Variants in VPS13B observed in about 807,000 individuals in gnomAD.
VPS13B encodes intermembrane lipid transfer protein VPS13B.
In VPS13B, 285 loss-of-function variants were observed where a neutral mutation model predicts 426.4. That is an observed-to-expected ratio of 0.67 (90% CI 0.61 to 0.74). The LOEUF is 0.74. Ranked by LOEUF, VPS13B falls within the 30% of genes least tolerant of loss-of-function variation. The pLI is 0.00. For missense variants in VPS13B, 4,537 were observed against 4,782.6 expected (o/e 0.95, Z 1.51); for synonymous variants, 1,676 against 1,676.4 (o/e 1.00, Z 0.01).
intron 19 of VPS13B, among the ~76,000 whole-genome samples, chr8:99,292,800 T>A (rs934219594): frequency 2.0e-5 from 3 of 152,124 alleles, no homozygotes; most frequent in African/African-American, 7.2e-5. Context: ...TTATATCTAT[T>A]TTTGTGCAAC....
intron 19 of VPS13B, among the ~76,000 whole-genome samples, chr8:99,369,502 C>T (rs1468635418): frequency 6.6e-6 from 1 of 152,090 alleles, no homozygotes; most frequent in Non-Finnish European, 1.5e-5. Flanking sequence ...TCAGGTTGTC[C>T]TGTGTAGAAC....
Position 99,207,280 on chromosome 8 carries a change from C to T in VPS13B, c.2515+14223C>T, listed in dbSNP as rs988341252. Among the ~76,000 whole-genome samples the T allele has an allele frequency of 1.4e-4, 22 of 152,068 alleles. No homozygotes were observed. The South Asian group carries it at 4.6e-3, about 32-fold the overall frequency. On this transcript the variant is annotated intron_variant, in intron 17 of 61. Coordinates refer to ENST00000357162, the MANE Select transcript of VPS13B (RefSeq NM_152564.5). ...ATCAGATCTTGGCAATGACTTTGCA[C>T]AGTAGGATATAAATAACTCCCACAA... is the stretch of plus-strand genomic sequence containing the variant.
chr8:99,818,979 G>GGGT, intron 47 of VPS13B, 91 bp downstream of exon 47: 3 of 839,428 alleles, frequency 3.6e-6, no homozygotes, highest in Admixed American at 2.3e-5. Flanking sequence ...CGGGGGAGGG[G>GGGT]TGGGTAGGGA....
In VPS13B at chr8:99,699,828, T is replaced by A; in HGVS notation, c.6350T>A (p.Val2117Glu). 2 of 1,613,812 alleles carry A rather than the reference T, an allele frequency of 1.2e-6. No homozygotes were observed. Among genetic ancestry groups the A allele is most frequent in the Non-Finnish European group, 1.7e-6 (2 of 1,179,880 alleles). The change falls in exon 36 of 62, where the codon GTG (valine) becomes GAG (glutamate). Residue 2117 changes from valine to glutamate, a missense_variant. Coordinates refer to ENST00000357162, the MANE Select transcript of VPS13B (RefSeq NM_152564.5). ...ATTTCTGTTCAAACTACTCAGATTG[T>A]GATCTCCATGGAAACTGTACCCCAT... ...QKISVQTTQIVISMETVPHTS... is the reference protein window; with the variant it reads ...QKISVQTTQIEISMETVPHTS...
chr8:99,270,472 A>G (rs1375057138), intron 17 of VPS13B, among the ~76,000 whole-genome samples: 1 of 152,064 alleles, frequency 6.6e-6, no homozygotes, highest in African/African-American at 2.4e-5. Flanking sequence ...CAGATAACTT[A>G]TGATAAGAGT....
intron 33 of VPS13B, among the ~76,000 whole-genome samples, chr8:99,632,768 C>T (rs1828899927): frequency 6.6e-6 from 1 of 151,924 alleles, no homozygotes; most frequent in Admixed American, 6.6e-5. Flanking sequence ...TAACATATGA[C>T]AGAGAGAGAA....
At chr8:99,289,468 A>C (rs1478641466) in intron 19 of VPS13B, among the ~76,000 whole-genome samples, 2 of 152,084 alleles carry the variant, frequency 1.3e-5, no homozygotes, top group African/African-American at 4.8e-5. Context: ...ATTATTAGCT[A>C]TGGTTAGTGT....
At chr8:99,535,652 A>G (rs1823167840) in intron 30 of VPS13B, among the ~76,000 whole-genome samples, 2 of 152,124 alleles carry the variant, frequency 1.3e-5, no homozygotes. Flanking sequence ...AGGAAAGTAT[A>G]TTTATCATTT....
At chr8:99,832,123 G>T (rs956196768) in intron 51 of VPS13B, among the ~76,000 whole-genome samples, 1 of 151,986 alleles carries the variant, frequency 6.6e-6, no homozygotes, top group Middle Eastern at 3.4e-3. Context: ...TTAGCCGGGC[G>T]TGGTGGCATG....
At chr8:99,209,293 A>C (rs969581953) in intron 17 of VPS13B, among the ~76,000 whole-genome samples, 3 of 132,732 alleles carry the variant, frequency 2.3e-5, no homozygotes, top group African/African-American at 5.8e-5. Flanking sequence ...AAAAAAAAAC[A>C]AAACAAAAAA....
intron 57 of VPS13B, 111 bp from the exon 58 acceptor site, chr8:99,861,665 C>G (rs990611495): frequency 5.0e-6 from 7 of 1,401,366 alleles, no homozygotes; most frequent in Non-Finnish European, 5.9e-6. Flanking sequence ...TCACTTGCCA[C>G]TGGGCATGTC....
intron 19 of VPS13B, among the ~76,000 whole-genome samples, chr8:99,366,513 G>C (rs1812898372): frequency 6.7e-6 from 1 of 149,862 alleles, no homozygotes; most frequent in African/African-American, 2.5e-5. Context: ...TAGATCATTG[G>C]GTCTTGTTTT....
intron 33 of VPS13B, among the ~76,000 whole-genome samples, chr8:99,640,106 G>T (rs1272726036): frequency 7.0e-6 from 1 of 142,048 alleles, no homozygotes; most frequent in Non-Finnish European, 1.5e-5. Context: ...GAAAAGAAAA[G>T]AAAAGAAGAA....
At chr8:99,554,379 C>G (rs1387791670) in intron 30 of VPS13B, among the ~76,000 whole-genome samples, 4 of 152,022 alleles carry the variant, frequency 2.6e-5, no homozygotes, top group Non-Finnish European at 5.9e-5. Context: ...TCAACTGCCT[C>G]AGATATTTGC....
At chr8:99,410,484 C>G (rs1030443850) in intron 21 of VPS13B, among the ~76,000 whole-genome samples, 6 of 152,082 alleles carry the variant, frequency 3.9e-5, no homozygotes, top group Non-Finnish European at 8.8e-5. Flanking sequence ...TTTGTGGAAT[C>G]TTTCCTGCCA....
intron 39 of VPS13B, among the ~76,000 whole-genome samples, chr8:99,743,842 C>T (rs1177294811): frequency 6.6e-6 from 1 of 152,182 alleles, no homozygotes; most frequent in Non-Finnish European, 1.5e-5. Flanking sequence ...GGATTAAAGA[C>T]TTACATGTTA....
At chr8:99,469,549 T>C (rs1037368785) in intron 24 of VPS13B, among the ~76,000 whole-genome samples, 1 of 152,162 alleles carries the variant, frequency 6.6e-6, no homozygotes, top group African/African-American at 2.4e-5. Context: ...CTATTTGCCT[T>C]TCTATTATAC....
intron 40 of VPS13B, among the ~76,000 whole-genome samples, chr8:99,776,277 C>A (rs894574734): frequency 1.3e-5 from 2 of 152,158 alleles, no homozygotes; most frequent in African/African-American, 4.8e-5. Context: ...TCAGTATGAT[C>A]ATAGATCAGT....
intron 30 of VPS13B, among the ~76,000 whole-genome samples, chr8:99,550,120 A>G (rs890165934): frequency 1.3e-5 from 2 of 152,152 alleles, no homozygotes; most frequent in Admixed American, 6.6e-5. Flanking sequence ...ACAGTGCCCA[A>G]TAAATAATGC....
Sources: allele counts gnomAD v4.1 joint callset (sites outside exome capture counted in the v4.1 genomes callset), GRCh38; gene constraint gnomAD v4.1.1; transcripts MANE v1.5; gene names NCBI Gene and HGNC (gene_info 2026-07-23, HGNC 2026-07-21).